ANKRD30B: variants seen among roughly 807,000 people sequenced by gnomAD.
ANKRD30B encodes ankyrin repeat domain-containing protein 30B.
Under a neutral mutation model 202.2 loss-of-function variants are expected in ANKRD30B, and 144 were observed. The ratio of observed to expected loss-of-function variants is 0.71; its 90% confidence interval spans 0.62 to 0.82. ANKRD30B has a LOEUF of 0.82. Among genes scored for constraint, ANKRD30B ranks in the 40% least tolerant of loss-of-function variants. The probability of loss-of-function intolerance (pLI) is 0.00; values close to 1 mark genes in which losing one functional copy is unlikely to be tolerated. For missense variants in ANKRD30B, 1,487 were observed against 1,669.1 expected, an observed-to-expected ratio of 0.89 and a Z score of 1.90; for synonymous variants, 508 against 561.3, an observed-to-expected ratio of 0.91 and a Z score of 1.34.
intron 30 of ANKRD30B, among the ~76,000 whole-genome samples, chr18:14,820,249 A>G (rs1315910172): frequency 5.9e-5 from 9 of 152,312 alleles, no homozygotes; most frequent in Non-Finnish European, 8.8e-5. Context: ...TTATCAGCTT[A>G]AGGAGATTTT....
At position 14,818,415 on chromosome 18, in the gene ANKRD30B, G is replaced by T. The variant is rs528616141; in HGVS notation, c.2641+3704G>T. Among the ~76,000 whole-genome samples, 4 of 151,750 alleles carry T rather than the reference G, an allele frequency of 2.6e-5. No homozygotes were observed. The South Asian group carries it at 6.3e-4, about 24-fold the overall frequency. On this transcript the variant is annotated intron_variant, in intron 30 of 43. Transcript: ENST00000690538. ...TAGGGTACATGTGCACATTGTGCAGGTTAGTTACATATGTATACATGTGCC... is the reference window on the plus strand; with the variant it reads ...TAGGGTACATGTGCACATTGTGCAGTTTAGTTACATATGTATACATGTGCC...
At chr18:14,841,132 G>C (rs891074569) in intron 37 of ANKRD30B, among the ~76,000 whole-genome samples, 35 of 152,176 alleles carry the variant, frequency 2.3e-4, no homozygotes, top group African/African-American at 8.4e-4. Flanking sequence ...CTTTCTCACT[G>C]GTGGGAAGGC....
intron 6 of ANKRD30B, 146 bp downstream of exon 6, chr18:14,760,764 A>G: frequency 1.9e-6 from 1 of 528,304 alleles, no homozygotes; most frequent in Non-Finnish European, 3.4e-6. Context: ...GTGTATATAT[A>G]TGTATACATA....
chr18:14,930,545 A>G, the ANKRD30B span, among the ~76,000 whole-genome samples: 1 of 152,136 alleles, frequency 6.6e-6, no homozygotes, highest in African/African-American at 2.4e-5. Context: ...TAAGCTATCA[A>G]AGAGGTTCTG....
the ANKRD30B span, among the ~76,000 whole-genome samples, chr18:14,890,758 C>A: frequency 7.0e-6 from 1 of 143,550 alleles, no homozygotes. Flanking sequence ...AGCCTACTAC[C>A]TTAAAAAAAG....
chr18:14,810,843 G>T (rs1226996720), intron 28 of ANKRD30B, among the ~76,000 whole-genome samples: 2 of 151,240 alleles, frequency 1.3e-5, no homozygotes, highest in African/African-American at 4.9e-5. Flanking sequence ...GCTGTGCATG[G>T]TGGCACATGC....
intron 34 of ANKRD30B, among the ~76,000 whole-genome samples, chr18:14,832,483 A>C (rs1970996136): frequency 6.6e-6 from 1 of 152,164 alleles, no homozygotes; most frequent in Admixed American, 6.5e-5. Flanking sequence ...AAATTTCAGA[A>C]GATTTTGTAT....
chr18:14,901,208 T>G, the ANKRD30B span, among the ~76,000 whole-genome samples: 1 of 152,358 alleles, frequency 6.6e-6, no homozygotes, highest in Admixed American at 6.5e-5. Flanking sequence ...TTGTCATTCA[T>G]AGACAATATC....
chr18:14,888,807 C>T, the ANKRD30B span: 5 of 1,065,318 alleles, frequency 4.7e-6, no homozygotes, highest in Non-Finnish European at 6.9e-6. Flanking sequence ...AACATTTCCC[C>T]TCCATTGTGT....
intron 36 of ANKRD30B, among the ~76,000 whole-genome samples, chr18:14,839,247 T>G (rs1235332909): frequency 3.3e-5 from 5 of 152,214 alleles, no homozygotes; most frequent in Non-Finnish European, 7.3e-5. Context: ...AGAATGTTCC[T>G]TAAGAGAAAA....
intron 1 of ANKRD30B, among the ~76,000 whole-genome samples, chr18:14,751,218 T>C (rs984617752): frequency 1.4e-4 from 21 of 152,038 alleles, no homozygotes; most frequent in African/African-American, 5.1e-4. Context: ...CATTTTAGTG[T>C]AGTTTTATTA....
intron 7 of ANKRD30B, 22 bp from the exon 8 acceptor site, chr18:14,769,320 AT>A: frequency 6.7e-7 from 1 of 1,495,192 alleles, no homozygotes; most frequent in South Asian, 1.2e-5. Context: ...AATTTAATGT[AT>A]TTTACTTTTT....
chr18:14,870,049 C>T, the ANKRD30B span, among the ~76,000 whole-genome samples: 147,497 of 151,716 alleles, frequency 0.97, 71,843 homozygotes, highest in Middle Eastern at 1. Flanking sequence ...TTGATCATGC[C>T]GGTCTCGAAC....
chr18:14,843,561 GTGTGTGT>G (rs1226802580), intron 39 of ANKRD30B, among the ~76,000 whole-genome samples: 2 of 41,478 alleles, frequency 4.8e-5, no homozygotes, highest in African/African-American at 1.4e-4. Flanking sequence ...TTCTGTGTGT[GTGTGTGT>G]GTGTGTGTGT....
chr18:14,874,705 G>A, the ANKRD30B span, among the ~76,000 whole-genome samples: 1 of 152,210 alleles, frequency 6.6e-6, no homozygotes, highest in Non-Finnish European at 1.5e-5. Context: ...AGCAGAATCA[G>A]GCAGAGCCTG....
chr18:14,834,882 T>C (rs1971106620), intron 34 of ANKRD30B, among the ~76,000 whole-genome samples: 1 of 152,010 alleles, frequency 6.6e-6, no homozygotes, highest in Non-Finnish European at 1.5e-5. Flanking sequence ...ATATTTAATC[T>C]AGTCATACTT....
intron 8 of ANKRD30B, among the ~76,000 whole-genome samples, chr18:14,771,848 G>T (rs538606591): frequency 2.6e-4 from 40 of 152,278 alleles, no homozygotes; most frequent in African/African-American, 8.2e-4. Context: ...TTGTGAGGAT[G>T]AATTATACTC....
intron 4 of ANKRD30B, among the ~76,000 whole-genome samples, 163 bp downstream of exon 4, chr18:14,755,168 G>A (rs1914139292): frequency 6.6e-6 from 1 of 152,010 alleles, no homozygotes; most frequent in Non-Finnish European, 1.5e-5. Context: ...ATTTGGACTG[G>A]TCAACATAAA....
intron 7 of ANKRD30B, among the ~76,000 whole-genome samples, chr18:14,768,184 C>G (rs1185922815): frequency 6.6e-6 from 1 of 152,094 alleles, no homozygotes; most frequent in Non-Finnish European, 1.5e-5. Flanking sequence ...TGTAATAAAG[C>G]TTTCTTTAGA....
Sources: gnomAD v4.1 joint callset for allele counts (sites outside exome capture counted in the v4.1 genomes callset) on GRCh38, gnomAD v4.1.1 for gene constraint, MANE v1.5 for transcripts, NCBI Gene and HGNC (gene_info 2026-07-23, HGNC 2026-07-21) for gene names.